SLC22A24: variants seen among roughly 807,000 people sequenced by gnomAD.
SLC22A24 encodes the protein solute carrier family 22 member 24, also known as steroid transmembrane transporter SLC22A24.
In SLC22A24, 53 loss-of-function variants were observed where a neutral mutation model predicts 49.8. The observed-to-expected ratio is 1.06, with a 90% CI of 0.85 to 1.34. The LOEUF is 1.34. SLC22A24 is among the 40% of genes most tolerant of loss of function. SLC22A24 has a pLI of 0.00. For missense variants in SLC22A24, 786 were observed against 675.9 expected, an observed-to-expected ratio of 1.16 and a Z score of -1.81; for synonymous variants, 302 against 256.4, an observed-to-expected ratio of 1.18 and a Z score of -1.70.
intron 2 of SLC22A24, among the ~76,000 whole-genome samples, chr11:63,122,247 T>C (rs563815688): frequency 6.6e-6 from 1 of 152,238 alleles, no homozygotes; most frequent in African/African-American, 2.4e-5. Flanking sequence ...GACCTGACCA[T>C]AAAAGGTCCA....
At chr11:63,140,136 C>G (rs2087405606) in intron 1 of SLC22A24, among the ~76,000 whole-genome samples, 1 of 136,922 alleles carries the variant, frequency 7.3e-6, no homozygotes, top group Admixed American at 8.2e-5. Context: ...GGCTGGAGTG[C>G]AGTGGCACAA....
chr11:63,122,048 C>T (rs1019448233), intron 2 of SLC22A24, among the ~76,000 whole-genome samples: 3 of 152,066 alleles, frequency 2.0e-5, no homozygotes, highest in Non-Finnish European at 1.5e-5. Flanking sequence ...AAGATATTAC[C>T]TCATCAATAA....
chr11:63,140,106 G>A (rs1390827427), intron 1 of SLC22A24, among the ~76,000 whole-genome samples: 15 of 120,636 alleles, frequency 1.2e-4, no homozygotes, highest in Non-Finnish European at 2.5e-4. Context: ...TTTTTGAGAC[G>A]GGGTCTTGCT....
chr11:63,096,015 C>G lies in SLC22A24; in HGVS notation c.1046G>C (p.Arg349Thr). The change falls in exon 6 of 10, where the codon AGA (arginine) becomes ACA (threonine). Residue 349 changes from arginine (R) to threonine (T), a missense_variant. Transcript: ENST00000612278. Reference protein sequence around the residue: ...SLFRAPKLRMRVFGLCFVRFA... With the variant: ...SLFRAPKLRMTVFGLCFVRFA... ...CCTCACAAAGCACAGGCCGAAGACT[C>G]TCATTCGCAATTTGGGTGCACGGAA... 6.4e-7 allele frequency: 1 copy of G among 1,550,634 alleles called. No homozygotes were observed. Among genetic ancestry groups the G allele is most frequent in the Non-Finnish European group, 8.7e-7 (1 of 1,146,184 alleles).
chr11:63,126,009 G>GT (rs1293201708), intron 2 of SLC22A24, among the ~76,000 whole-genome samples: 5 of 151,328 alleles, frequency 3.3e-5, no homozygotes, highest in Admixed American at 6.6e-5. Flanking sequence ...GGGGTCGTTT[G>GT]TTTTTTTTCT....
At chr11:63,104,639 T>C (rs895709217) in intron 4 of SLC22A24, among the ~76,000 whole-genome samples, 1 of 152,128 alleles carries the variant, frequency 6.6e-6, no homozygotes, top group Non-Finnish European at 1.5e-5. Flanking sequence ...CATGGTGGCA[T>C]GTCTTACCTG....
At chr11:63,099,096 A>G (rs2087073890) in intron 5 of SLC22A24, among the ~76,000 whole-genome samples, 1 of 152,194 alleles carries the variant, frequency 6.6e-6, no homozygotes, top group Admixed American at 6.6e-5. Context: ...ACCAATAAGA[A>G]GTAATGACAT....
intron 2 of SLC22A24, among the ~76,000 whole-genome samples, chr11:63,131,468 G>T (rs571145868): frequency 2.6e-5 from 4 of 152,150 alleles, no homozygotes; most frequent in African/African-American, 9.7e-5. Context: ...TGTAAGGCAG[G>T]CCTGGTGGTG....
At chr11:63,123,844 T>A (rs2087269457) in intron 2 of SLC22A24, among the ~76,000 whole-genome samples, 1 of 152,216 alleles carries the variant, frequency 6.6e-6, no homozygotes, top group African/African-American at 2.4e-5. Context: ...ATTTACATTC[T>A]TATGATCTTT....
At chr11:63,088,903 G>A (rs1055114707) in intron 6 of SLC22A24, among the ~76,000 whole-genome samples, 1 of 151,950 alleles carries the variant, frequency 6.6e-6, no homozygotes, top group Non-Finnish European at 1.5e-5. Flanking sequence ...AATGAACAAA[G>A]CCTCCAAGAA....
intron 2 of SLC22A24, among the ~76,000 whole-genome samples, chr11:63,133,877 C>T (rs966798264): frequency 2.0e-5 from 3 of 152,160 alleles, no homozygotes; most frequent in East Asian, 1.9e-4. Flanking sequence ...ACTCCTTACC[C>T]CAAGTGATTC....
intron 6 of SLC22A24, among the ~76,000 whole-genome samples, chr11:63,089,448 C>G (rs1408122308): frequency 1.3e-5 from 2 of 152,166 alleles, no homozygotes; most frequent in Non-Finnish European, 2.9e-5. Context: ...AATACTGGTA[C>G]CAGCCACTGC....
At position 63,080,978 on chromosome 11, in the gene SLC22A24, G is replaced by C; in HGVS notation, c.1540C>G (p.Leu514Val). 16 of 1,552,392 alleles carry C rather than the reference G, an allele frequency of 1.0e-5. No homozygotes were observed. The highest frequency in any genetic ancestry group is 1.3e-5 in the Non-Finnish European group (15 of 1,147,450). Residue 514 changes from leucine (L) to valine (V), a missense_variant, in exon 9 of 10, where the codon CTC (leucine) becomes GTC (valine). Coordinates refer to ENST00000612278, the MANE Select transcript of SLC22A24 (RefSeq NM_001136506.2). ...GGTAGATCCCTGGTTTCTGGAAGGAGGAGGATAACAGGGACAGCAAGGATG... is the reference window on the plus strand; with the variant it reads ...GGTAGATCCCTGGTTTCTGGAAGGACGAGGATAACAGGGACAGCAAGGATG... Reference protein sequence around the residue: ...FPILAVPVILLLPETRDLPLP... With the variant: ...FPILAVPVILVLPETRDLPLP...
rs928827841 is a variant in SLC22A24 at position 63,143,992 on chromosome 11, A to G, written c.-213T>C. The G allele has an allele frequency of 5.2e-6, 2 of 384,038 alleles. No individual in the cohort carries two copies. Among genetic ancestry groups the G allele is most frequent in the African/African-American group, 4.1e-5 (2 of 48,290 alleles). The allele number at this position is 384,038 out of a possible 1,614,324, so 23.8% of individuals were successfully genotyped here. Reference sequence around the variant, plus strand: ...CAAGTCCTTTAACTTTAGGCAGCCAAATAGTTTCAGAAGTCACAGATATAA... The same window carrying G: ...CAAGTCCTTTAACTTTAGGCAGCCAGATAGTTTCAGAAGTCACAGATATAA... On this transcript the variant is annotated 5_prime_UTR_variant, in exon 1 of 10. Transcript: ENST00000612278.
rs1226936006 is a variant in SLC22A24 at position 63,080,934 on chromosome 11, C to A, written c.1584G>T (p.Gln528His). The A allele has an allele frequency of 4.5e-6, 7 of 1,551,826 alleles. No individual in the cohort carries two copies. The highest frequency in any genetic ancestry group is 6.1e-6 in the Non-Finnish European group (7 of 1,147,194). The change falls in exon 9 of 10, where the codon CAG becomes CAT. Residue 528 changes from glutamine (Q) to histidine (H), a missense_variant. By Grantham distance (24) the Gln-to-His change is conservative. Coordinates refer to ENST00000612278, the MANE Select transcript of SLC22A24 (RefSeq NM_001136506.2). ...TRDLPLPNTI[Q>H]DVENDRKDSR... ...GGTTTACTCACTCATTTTCCACATC[C>A]TGGATGGTGTTAGGAAGAGGTAGAT...
intron 6 of SLC22A24, among the ~76,000 whole-genome samples, chr11:63,090,561 C>T (rs1160583599): frequency 6.6e-6 from 1 of 151,906 alleles, no homozygotes; most frequent in Non-Finnish European, 1.5e-5. Flanking sequence ...CACTCAAAAC[C>T]ACACAACTAC....
intron 5 of SLC22A24, among the ~76,000 whole-genome samples, chr11:63,098,844 T>C (rs142495278): frequency 6.6e-6 from 1 of 152,040 alleles, no homozygotes; most frequent in African/African-American, 2.4e-5. Context: ...AAGCTGGCTT[T>C]TTGAAAAGAT....
intron 2 of SLC22A24, among the ~76,000 whole-genome samples, chr11:63,127,580 C>T (rs2134674751): frequency 6.6e-6 from 1 of 152,258 alleles, no homozygotes; most frequent in Non-Finnish European, 1.5e-5. Flanking sequence ...GTTGAATTAA[C>T]TTACACTCCC....
chr11:63,081,082 C>T lies in SLC22A24; in HGVS notation c.1436G>A (p.Gly479Glu). 3.2e-6 allele frequency: 5 copies of T among 1,551,640 alleles called. No individual in the cohort carries two copies. Among genetic ancestry groups the T allele is most frequent in the Middle Eastern group, 1.7e-4 (1 of 5,988 alleles). ...AGINAVSGRT[G>E]AALAPLLMTL... ...CATCAACAGAGGAGCCAGTGCTGCC[C>T]CAGTCCTACCGGACACTGCATTGAT... is the stretch of plus-strand genomic sequence containing the variant. The change falls in exon 9 of 10, where the codon GGG (glycine) becomes GAG (glutamate). Residue 479 changes from glycine to glutamate, a missense_variant. Coordinates refer to ENST00000612278, the MANE Select transcript of SLC22A24 (RefSeq NM_001136506.2).
Sources: gnomAD v4.1 joint callset for allele counts (sites outside exome capture counted in the v4.1 genomes callset) on GRCh38, gnomAD v4.1.1 for gene constraint, MANE v1.5 for transcripts, NCBI Gene and HGNC (gene_info 2026-07-23, HGNC 2026-07-21) for gene names.